The following DPP10 variants were observed in gnomAD, a reference collection of about 807,000 sequenced individuals.
DPP10 encodes dipeptidyl peptidase like 10, also known as inactive dipeptidyl peptidase 10.
DPP10 carries 33 observed loss-of-function variants against 120.9 expected under a neutral mutation model. That is an observed-to-expected ratio of 0.27 (90% CI 0.21 to 0.37). The LOEUF (loss-of-function observed/expected upper bound fraction) is 0.37, where lower values mean the gene tolerates loss of function less well. Ranked by LOEUF, DPP10 falls within the 10% of genes least tolerant of loss-of-function variation. The probability of loss-of-function intolerance (pLI) is 1.00; values close to 1 mark genes in which losing one functional copy is unlikely to be tolerated. For synonymous variants in DPP10, 337 were observed against 326.1 expected (o/e 1.03, Z -0.36); for missense variants, 816 against 942.8 (o/e 0.87, Z 1.76).
chr2:115,103,556 C>T (rs563780963), intron 1 of DPP10, among the ~76,000 whole-genome samples: 103 of 152,224 alleles, frequency 6.8e-4, no homozygotes, highest in African/African-American at 2.4e-3. Context: ...ACTTGGTTTC[C>T]AGAGTTAACT....
chr2:115,282,774 C>G (rs1313692324), intron 1 of DPP10, among the ~76,000 whole-genome samples: 1 of 152,092 alleles, frequency 6.6e-6, no homozygotes, highest in Non-Finnish European at 1.5e-5. Context: ...TTGTTTCTAA[C>G]CAATAGCATC....
intron 1 of DPP10, among the ~76,000 whole-genome samples, chr2:114,946,462 A>T (rs1254897916): frequency 2.0e-5 from 3 of 152,214 alleles, no homozygotes; most frequent in Non-Finnish European, 4.4e-5. Context: ...AATAGTTAAG[A>T]TGGTAAATTT....
chr2:115,577,439 C>G (rs4849411), intron 5 of DPP10, among the ~76,000 whole-genome samples: 56,349 of 152,050 alleles, frequency 0.37, 10,988 homozygotes, highest in African/African-American at 0.47. Flanking sequence ...ATTAATGGAG[C>G]CTCTCTCAGA....
chr2:115,493,588 A>C (rs1269223625), intron 3 of DPP10, among the ~76,000 whole-genome samples: 1 of 151,972 alleles, frequency 6.6e-6, no homozygotes, highest in Non-Finnish European at 1.5e-5. Context: ...AGGAAAGAGC[A>C]TATAGAAAAA....
At chr2:115,567,227 A>G (rs2081058293) in intron 5 of DPP10, among the ~76,000 whole-genome samples, 3 of 152,052 alleles carry the variant, frequency 2.0e-5, no homozygotes, top group South Asian at 2.1e-4. Flanking sequence ...ATATCAATAT[A>G]TAATTCTAAA....
rs1040574833 is a variant in DPP10, at chr2:115,750,044, C to A, written c.951-3130C>A. The A allele has an allele frequency of 6.1e-6, 6 of 985,220 alleles. No individual in the cohort carries two copies. The African/African-American group carries it at 1.0e-4, about 17-fold the overall frequency. The allele number at this position is 985,220 out of a possible 1,614,324, so 61.0% of individuals were successfully genotyped here. A position where few individuals can be genotyped will look rare whatever the true frequency, so the allele number is the denominator to read the frequency against. On this transcript the variant is annotated intron_variant, in intron 10 of 25. Coordinates refer to ENST00000410059, the MANE Select transcript of DPP10 (RefSeq NM_020868.6). ...CCTGGGTAATCCAGAGCCATGGAGA[C>A]TAGGAACAAGCAGGAAACCCAGTTA...
At chr2:115,041,058 G>T (rs1389747003) in intron 1 of DPP10, among the ~76,000 whole-genome samples, 1 of 151,348 alleles carries the variant, frequency 6.6e-6, no homozygotes, top group East Asian at 1.9e-4. Flanking sequence ...AGCAGAGGTT[G>T]CAGTGAGCCG....
At chr2:115,032,300 T>G (rs886352679) in intron 1 of DPP10, among the ~76,000 whole-genome samples, 3 of 151,452 alleles carry the variant, frequency 2.0e-5, no homozygotes, top group Admixed American at 2.0e-4. Context: ...TTGAAAAGAG[T>G]TGAAGAAGTA....
intron 5 of DPP10, among the ~76,000 whole-genome samples, chr2:115,666,541 A>G (rs567393255): frequency 6.6e-6 from 1 of 152,242 alleles, no homozygotes; most frequent in African/African-American, 2.4e-5. Flanking sequence ...AACATATCAA[A>G]GGTTATGGCC....
At chr2:114,859,993 C>T (rs148564062) in intron 1 of DPP10, among the ~76,000 whole-genome samples, 43 of 152,246 alleles carry the variant, frequency 2.8e-4, no homozygotes, top group East Asian at 2.5e-3. Flanking sequence ...CAGTTTTATG[C>T]GATACCTTTG....
At chr2:114,827,775 G>A (rs1574282107) in intron 1 of DPP10, among the ~76,000 whole-genome samples, 1 of 152,188 alleles carries the variant, frequency 6.6e-6, no homozygotes, top group African/African-American at 2.4e-5. Context: ...AAGTACAACT[G>A]AGAATTTTGT....
At chr2:115,450,837 A>G (rs975753009) in intron 3 of DPP10, among the ~76,000 whole-genome samples, 1 of 152,056 alleles carries the variant, frequency 6.6e-6, no homozygotes, top group African/African-American at 2.4e-5. Context: ...CTTACCAACC[A>G]TACATCTGTG....
At chr2:115,097,183 T>G (rs2048442060) in intron 1 of DPP10, among the ~76,000 whole-genome samples, 1 of 144,990 alleles carries the variant, frequency 6.9e-6, no homozygotes, top group South Asian at 2.2e-4. Flanking sequence ...AATAAAGTCA[T>G]AGTAGTAATA....
chr2:114,593,578 TA>T (rs1558914724), intron 1 of DPP10, among the ~76,000 whole-genome samples: 1 of 152,216 alleles, frequency 6.6e-6, no homozygotes, highest in African/African-American at 2.4e-5. Flanking sequence ...GTCGGTCTTT[TA>T]AAAATATTTT....
intron 21 of DPP10, among the ~76,000 whole-genome samples, chr2:115,828,541 A>G (rs1688608311): frequency 6.7e-6 from 1 of 149,980 alleles, no homozygotes; most frequent in Non-Finnish European, 1.5e-5. Flanking sequence ...ATGCTGTTCA[A>G]TTTTTTTTTT....
At chr2:115,324,838 G>C (rs2062261137) in intron 2 of DPP10, among the ~76,000 whole-genome samples, 1 of 152,054 alleles carries the variant, frequency 6.6e-6, no homozygotes, top group Admixed American at 6.6e-5. Context: ...ACAGACATTT[G>C]ACTCTTCCTT....
chr2:114,525,127 A>G (rs1685394365), intron 1 of DPP10, among the ~76,000 whole-genome samples: 1 of 152,216 alleles, frequency 6.6e-6, no homozygotes, highest in Non-Finnish European at 1.5e-5. Context: ...AAGCCTCCAG[A>G]AACTGTATCC....
At chr2:115,231,028 G>GA (rs1000888978) in intron 1 of DPP10, among the ~76,000 whole-genome samples, 2 of 150,702 alleles carry the variant, frequency 1.3e-5, no homozygotes, top group Non-Finnish European at 3.0e-5. Context: ...ACATCAAAAA[G>GA]AAAAAAAAGA....
chr2:115,555,523 A>AT (rs1373216278), intron 5 of DPP10, among the ~76,000 whole-genome samples: 1 of 152,080 alleles, frequency 6.6e-6, no homozygotes, highest in Non-Finnish European at 1.5e-5. Flanking sequence ...TACTATCTTT[A>AT]TTTCCCGTAA....
Sources: gnomAD v4.1 joint callset for allele counts (sites outside exome capture counted in the v4.1 genomes callset) on GRCh38, gnomAD v4.1.1 for gene constraint, MANE v1.5 for transcripts, NCBI Gene and HGNC (gene_info 2026-07-23, HGNC 2026-07-21) for gene names.